FBXW7: variants seen among roughly 807,000 people sequenced by gnomAD.
FBXW7 encodes F-box and WD repeat domain containing 7.
FBXW7 carries 11 observed loss-of-function variants against 86.3 expected under a neutral mutation model. The ratio of observed to expected loss-of-function variants is 0.13; its 90% confidence interval spans 0.08 to 0.21. FBXW7 has a LOEUF of 0.21. Ranked by LOEUF, FBXW7 falls within the 10% of genes least tolerant of loss-of-function variation. The pLI is 1.00. For missense variants in FBXW7, 488 were observed against 847.4 expected (o/e 0.58, Z 5.27); for synonymous variants, 313 against 297.9 (o/e 1.05, Z -0.52).
At chr4:152,344,433 A>C (rs1731055880) in intron 6 of FBXW7, among the ~76,000 whole-genome samples, 1 of 152,128 alleles carries the variant, frequency 6.6e-6, no homozygotes, top group African/African-American at 2.4e-5. Flanking sequence ...GGGTAATTCC[A>C]CATGCTATTC....
chr4:152,330,812 G>A lies in FBXW7; in HGVS notation c.1042C>T (p.His348Tyr), dbSNP rs1729497938. 3 of 1,612,618 alleles carry A rather than the reference G, an allele frequency of 1.9e-6. No individual in the cohort carries two copies. Among genetic ancestry groups the A allele is most frequent in the Non-Finnish European group, 2.5e-6 (3 of 1,178,934 alleles). The change falls in exon 9 of 14, where the codon CAC becomes TAC. Residue 348 changes from histidine (H) to tyrosine (Y), a missense_variant. Transcript: ENST00000281708. Reference sequence around the variant, plus strand: ...ATGTATGCACTTTTCCATGGACTGTGTATGAAACCTGGTTTTATTACTTTT... The same window carrying A: ...ATGTATGCACTTTTCCATGGACTGTATATGAAACCTGGTTTTATTACTTTT... ...RRKVIKPGFI[H>Y]SPWKSAYIRQ...
chr4:152,516,548 T>C (rs1292569181), intron 2 of FBXW7, among the ~76,000 whole-genome samples: 1 of 152,198 alleles, frequency 6.6e-6, no homozygotes, highest in Non-Finnish European at 1.5e-5. Context: ...GGAAAACTAA[T>C]ACCATACAGA....
chr4:152,370,508 T>G (rs749458484), intron 4 of FBXW7, among the ~76,000 whole-genome samples: 5 of 151,970 alleles, frequency 3.3e-5, no homozygotes, highest in Non-Finnish European at 5.9e-5. Flanking sequence ...TAGTTGTGAG[T>G]AAATTCCTAA....
At chr4:152,449,535 G>C (rs765311059) in intron 2 of FBXW7, among the ~76,000 whole-genome samples, 2 of 152,138 alleles carry the variant, frequency 1.3e-5, no homozygotes, top group African/African-American at 2.4e-5. Flanking sequence ...TATCATAAAT[G>C]TTAGAAGAGT....
intron 4 of FBXW7, among the ~76,000 whole-genome samples, chr4:152,406,027 T>C (rs1239466073): frequency 6.6e-6 from 1 of 152,216 alleles, no homozygotes; most frequent in Non-Finnish European, 1.5e-5. Flanking sequence ...AAAACAATAT[T>C]CATCATGATC....
chr4:152,428,455 G>T (rs895797046), intron 2 of FBXW7, among the ~76,000 whole-genome samples: 61 of 152,164 alleles, frequency 4.0e-4, no homozygotes, highest in African/African-American at 1.3e-3. Context: ...GCCAAGAATG[G>T]TTTATCTTTG....
intron 4 of FBXW7, among the ~76,000 whole-genome samples, chr4:152,378,660 A>AT (rs1734777820): frequency 6.6e-6 from 1 of 152,178 alleles, no homozygotes; most frequent in Admixed American, 6.5e-5. Context: ...CAAAAACAAA[A>AT]TGAGTCAAGA....
At chr4:152,336,131 ATTT>A (rs900467753) in intron 7 of FBXW7, among the ~76,000 whole-genome samples, 34 of 151,720 alleles carry the variant, frequency 2.2e-4, no homozygotes, top group African/African-American at 7.7e-4. Flanking sequence ...CAAAATAGGA[ATTT>A]TTTTTTCTGG....
chr4:152,423,026 G>C (rs934235865), intron 2 of FBXW7, among the ~76,000 whole-genome samples: 1 of 152,028 alleles, frequency 6.6e-6, no homozygotes, highest in Non-Finnish European at 1.5e-5. Flanking sequence ...ATATTCATCT[G>C]GTCTCTTTAT....
intron 2 of FBXW7, among the ~76,000 whole-genome samples, chr4:152,448,493 G>A (rs750269319): frequency 6.6e-6 from 1 of 152,112 alleles, no homozygotes; most frequent in Non-Finnish European, 1.5e-5. Context: ...CTCTGCAACT[G>A]GTCTGATGTA....
chr4:152,393,302 G>C (rs1736146837), intron 4 of FBXW7, among the ~76,000 whole-genome samples: 1 of 152,046 alleles, frequency 6.6e-6, no homozygotes, highest in East Asian at 1.9e-4. Context: ...ATACCTACAA[G>C]GCACCATTTT....
intron 2 of FBXW7, among the ~76,000 whole-genome samples, chr4:152,438,530 T>C (rs1027681653): frequency 4.6e-5 from 7 of 151,886 alleles, no homozygotes; most frequent in African/African-American, 1.5e-4. Flanking sequence ...ACATAAAAAT[T>C]AGCCAGGAGT....
intron 12 of FBXW7, 87 bp downstream of exon 12, chr4:152,325,918 TG>T: frequency 9.2e-7 from 1 of 1,091,072 alleles, no homozygotes; most frequent in Non-Finnish European, 1.4e-6. Context: ...TGGACTGTAC[TG>T]GATCAGCAAT....
chr4:152,322,889 T>G lies in FBXW7; in HGVS notation c.2116A>C (p.Met706Leu). The change falls in exon 14 of 14, where the codon ATG becomes CTG. Residue 706 changes from methionine (M) to leucine (L), a missense_variant. By Grantham distance (15) the Met-to-Leu change is conservative. Around this residue, in one of 4 missense-constraint regions of FBXW7, gnomAD observed 142 missense variants for 406.6 expected, o/e 0.35. Transcript: ENST00000281708. ...KLLVLDFDVD[M>L]K Reference sequence around the variant, plus strand: ...TTCATCTTTTCTGCTCTTCACTTCATGTCCACATCAAAGTCCAGCACCAGC... The same window carrying G: ...TTCATCTTTTCTGCTCTTCACTTCAGGTCCACATCAAAGTCCAGCACCAGC... The G allele has an allele frequency of 6.2e-7, 1 of 1,613,680 alleles. No individual in the cohort carries two copies. The highest frequency in any genetic ancestry group is 8.5e-7 in the Non-Finnish European group (1 of 1,179,704).
Position 152,322,023 on chromosome 4 carries a change from G to GACTAAA in FBXW7, c.*852_*857dup, listed in dbSNP as rs1728595201. The GACTAAA allele has an allele frequency of 4.3e-6, 1 of 232,680 alleles. No individual in the cohort carries two copies. Among genetic ancestry groups the GACTAAA allele is most frequent in the Non-Finnish European group, 8.5e-6 (1 of 117,680 alleles). The allele number at this position is 232,680 out of a possible 1,614,324, so 14.4% of individuals were successfully genotyped here. On this transcript the variant is annotated 3_prime_UTR_variant, in exon 14 of 14. Coordinates refer to ENST00000281708, the MANE Select transcript of FBXW7 (RefSeq NM_001349798.2). ...AGAGCAAATTTGGAATTCAGTCTGG[G>GACTAAA]ACTAAAACGTCACAGCAGAAAAAAA...
At chr4:152,387,606 G>GT (rs1735635613) in intron 4 of FBXW7, among the ~76,000 whole-genome samples, 1 of 16,546 alleles carries the variant, frequency 6.0e-5, no homozygotes, top group Non-Finnish European at 1.5e-4. Flanking sequence ...AGCAAAAACT[G>GT]TAAAAAAAAA....
intron 2 of FBXW7, among the ~76,000 whole-genome samples, chr4:152,444,201 T>C (rs887880274): frequency 2.0e-5 from 3 of 152,228 alleles, no homozygotes; most frequent in Non-Finnish European, 4.4e-5. Flanking sequence ...TATGTACATA[T>C]ATGTATGACC....
intron 4 of FBXW7, among the ~76,000 whole-genome samples, chr4:152,350,578 A>G (rs1043451497): frequency 2.0e-5 from 3 of 151,826 alleles, no homozygotes; most frequent in Non-Finnish European, 3.0e-5. Context: ...TTATGAAAGT[A>G]ACAAACTCAA....
At chr4:152,441,852 A>C (rs1011458308) in intron 2 of FBXW7, among the ~76,000 whole-genome samples, 1 of 152,246 alleles carries the variant, frequency 6.6e-6, no homozygotes, top group African/African-American at 2.4e-5. Flanking sequence ...ATATGTTACA[A>C]AACTTTGCTC....
Sources: allele counts gnomAD v4.1 joint callset (sites outside exome capture counted in the v4.1 genomes callset), GRCh38; gene constraint gnomAD v4.1.1; regional missense constraint gnomAD v4.1.1; transcripts MANE v1.5; gene names NCBI Gene and HGNC (gene_info 2026-07-23, HGNC 2026-07-21).